The following KRIT1 variants were observed in gnomAD, a reference collection of about 807,000 sequenced individuals.
KRIT1 encodes KRIT1 ankyrin repeat containing.
KRIT1 carries 45 observed loss-of-function variants against 95.8 expected under a neutral mutation model. The observed-to-expected ratio is 0.47, with a 90% confidence interval of 0.37 to 0.60. The LOEUF is 0.60. KRIT1 is among the 20% of genes least tolerant of loss of function. The probability of loss-of-function intolerance (pLI) is 0.00; values close to 1 mark genes in which losing one functional copy is unlikely to be tolerated. For synonymous variants in KRIT1, 282 were observed against 278.8 expected, an observed-to-expected ratio of 1.01 and a Z score of -0.11; for missense variants, 788 against 877.5, an observed-to-expected ratio of 0.90 and a Z score of 1.29.
chr7:92,200,979 G>A (rs1303773962), intron 18 of KRIT1, among the ~76,000 whole-genome samples, 175 bp from the exon 19 acceptor site: 1 of 152,188 alleles, frequency 6.6e-6, no homozygotes, highest in Non-Finnish European at 1.5e-5. Context: ...AGTGACTTAA[G>A]AATCAATCTG....
chr7:92,226,783 C>T, intron 10 of KRIT1, 101 bp from the exon 11 acceptor site: 1 of 1,021,632 alleles, frequency 9.8e-7, no homozygotes, highest in Non-Finnish European at 1.5e-6. Flanking sequence ...GATGATATCT[C>T]AAAGAAATCT....
Position 92,212,460 on chromosome 7 carries a change from G to C in KRIT1, c.2025+735C>G, listed in dbSNP as rs192469637. Among the ~76,000 whole-genome samples, 441 of 152,264 alleles carry C rather than the reference G, an allele frequency of 2.9e-3. 3 individuals are homozygous for C. The highest frequency in any genetic ancestry group is 0.01 in the African/African-American group (419 of 41,532). On this transcript the variant is annotated intron_variant, in intron 17 of 18. Coordinates refer to ENST00000394505, the MANE Select transcript of KRIT1 (RefSeq NM_194454.3). ...TAAAGTGATGGTATTGGGAGGTAGA[G>C]CCTTTGAGAAGTAATTATGCCATAA...
intron 6 of KRIT1, among the ~76,000 whole-genome samples, chr7:92,236,890 TA>T: frequency 1.3e-5 from 2 of 152,296 alleles, no homozygotes; most frequent in South Asian, 4.1e-4. Flanking sequence ...AGCTGGCTAA[TA>T]AAATACATGT....
intron 5 of KRIT1, among the ~76,000 whole-genome samples, chr7:92,239,196 G>A (rs949407103): frequency 1.1e-4 from 17 of 151,982 alleles, no homozygotes; most frequent in Non-Finnish European, 1.9e-4. Flanking sequence ...TATGTTTCAC[G>A]GTGACTGTCA....
intron 4 of KRIT1, 84 bp from the exon 5 acceptor site, chr7:92,241,236 A>T: frequency 1.0e-6 from 1 of 983,848 alleles, no homozygotes; most frequent in South Asian, 1.4e-5. Context: ...AGTCTTTCTC[A>T]ACTCTAGCTG....
chr7:92,211,483 T>G (rs1269688669), intron 17 of KRIT1, among the ~76,000 whole-genome samples: 1 of 152,092 alleles, frequency 6.6e-6, no homozygotes, highest in African/African-American at 2.4e-5. Context: ...GGTAGAGAGT[T>G]GAATGATGAT....
At chr7:92,209,605 A>G (rs1397829683) in intron 17 of KRIT1, among the ~76,000 whole-genome samples, 2 of 152,228 alleles carry the variant, frequency 1.3e-5, no homozygotes, top group African/African-American at 4.8e-5. Flanking sequence ...AATCTCATTT[A>G]CTATAGCTAG....
chr7:92,223,155 C>T (rs1328473231), intron 12 of KRIT1, among the ~76,000 whole-genome samples, 177 bp from the exon 13 acceptor site: 1 of 151,556 alleles, frequency 6.6e-6, no homozygotes, highest in Non-Finnish European at 1.5e-5. Context: ...ACTGGCCGGG[C>T]GCGGTGGCTC....
At chr7:92,211,231 T>C (rs1792734005) in intron 17 of KRIT1, among the ~76,000 whole-genome samples, 1 of 152,220 alleles carries the variant, frequency 6.6e-6, no homozygotes, top group Admixed American at 6.5e-5. Flanking sequence ...CCATGTTGAC[T>C]GCAGCACTAT....
At chr7:92,234,031 A>T (rs1274178660) in intron 10 of KRIT1, among the ~76,000 whole-genome samples, 1 of 152,222 alleles carries the variant, frequency 6.6e-6, no homozygotes, top group Non-Finnish European at 1.5e-5. Flanking sequence ...AAAGCACTAA[A>T]AGGATACTTT....
intron 3 of KRIT1, among the ~76,000 whole-genome samples, chr7:92,243,008 T>C (rs1035742078): frequency 6.6e-6 from 1 of 152,144 alleles, no homozygotes; most frequent in East Asian, 1.9e-4. Flanking sequence ...TTAGTAGAGA[T>C]GGAGTTTTAC....
intron 17 of KRIT1, among the ~76,000 whole-genome samples, chr7:92,207,839 C>T (rs1791909072): frequency 6.6e-6 from 1 of 152,102 alleles, no homozygotes; most frequent in Non-Finnish European, 1.5e-5. Context: ...GCCTAGGCGA[C>T]AGAGCAGGAC....
At chr7:92,230,016 T>G (rs1796957805) in intron 10 of KRIT1, among the ~76,000 whole-genome samples, 1 of 152,164 alleles carries the variant, frequency 6.6e-6, no homozygotes, top group Non-Finnish European at 1.5e-5. Flanking sequence ...TGTGATCACC[T>G]TAGAACACTG....
chr7:92,241,001 C>T lies in KRIT1; in HGVS notation c.254G>A (p.Gly85Asp), dbSNP rs1307060289. 6.2e-7 allele frequency: 1 copy of T among 1,609,376 alleles called. No individual in the cohort carries two copies. The highest frequency in any genetic ancestry group is 2.2e-5 in the East Asian group (1 of 44,836). Residue 85 changes from glycine (G) to aspartate (D), a missense_variant, in exon 5 of 19, where the codon GGT (glycine) becomes GAT (aspartate). By Grantham distance (94) the Gly-to-Asp change is moderately conservative. Transcript: ENST00000394505. The stretch of plus-strand genomic sequence containing the variant: ...AAAAAGAAGTTTCCTACCTCTGATA[C>T]CCTGGTTTGCAGGAGAAATTGGTTT... ...TTKPISPANQ[G>D]IRGKRVVLMK...
At chr7:92,208,293 T>C (rs1419433229) in intron 17 of KRIT1, among the ~76,000 whole-genome samples, 1 of 148,312 alleles carries the variant, frequency 6.7e-6, no homozygotes, top group African/African-American at 2.5e-5. Context: ...CTCAAGGAAC[T>C]AGAAAAGCAA....
chr7:92,230,925 G>C (rs942784193), intron 10 of KRIT1, among the ~76,000 whole-genome samples: 1 of 152,090 alleles, frequency 6.6e-6, no homozygotes, highest in Admixed American at 6.6e-5. Context: ...GCTTGGAAGG[G>C]GAGGACTAAA....
At chr7:92,209,888 C>T (rs11762710) in intron 17 of KRIT1, among the ~76,000 whole-genome samples, 16,783 of 151,834 alleles carry the variant, frequency 0.11, 1,069 homozygotes, top group East Asian at 0.35. Flanking sequence ...CATAGTGAAA[C>T]CCTGTCTCTA....
At chr7:92,202,196 T>A (rs1790332269) in intron 17 of KRIT1, 1 of 152,196 alleles carries the variant, frequency 6.6e-6, no homozygotes, top group South Asian at 2.1e-4. Context: ...AAGCATAATT[T>A]AAAAAATTAC....
At chr7:92,234,667 A>G (rs1798021257) in intron 9 of KRIT1, 75 bp from the exon 10 acceptor site, 6 of 1,336,720 alleles carry the variant, frequency 4.5e-6, no homozygotes, top group Non-Finnish European at 5.4e-6. Context: ...TGACACATCT[A>G]TGAAAGCTCT....
Sources: allele counts gnomAD v4.1 joint callset (sites outside exome capture counted in the v4.1 genomes callset), GRCh38; gene constraint gnomAD v4.1.1; transcripts MANE v1.5; gene names NCBI Gene and HGNC (gene_info 2026-07-23, HGNC 2026-07-21).